Variants in GNG7 observed in about 807,000 individuals in gnomAD.
GNG7 encodes the protein guanine nucleotide-binding protein G(I)/G(S)/G(O) subunit gamma-7.
Under a neutral mutation model 4.0 loss-of-function variants are expected in GNG7, and 1 was observed. The observed-to-expected ratio is 0.25, with a 90% confidence interval of 0.09 to 1.18. GNG7 has a LOEUF of 1.18. Ranked by LOEUF, GNG7 falls within the 50% of genes most tolerant of loss-of-function variation. The probability of loss-of-function intolerance (pLI) is 0.50; values close to 1 mark genes in which losing one functional copy is unlikely to be tolerated. For missense variants in GNG7, 86 were observed against 91.9 expected, an observed-to-expected ratio of 0.94 and a Z score of 0.26; for synonymous variants, 34 against 36.9, an observed-to-expected ratio of 0.92 and a Z score of 0.29.
intron 2 of GNG7, chr19:2,642,860 T>C (rs1157267735): frequency 2.2e-6 from 1 of 455,840 alleles, no homozygotes; most frequent in South Asian, 1.6e-5. Flanking sequence ...CGGGAATGCA[T>C]AGTCTGAGCC....
At chr19:2,558,802 A>G (rs1297517245) in intron 2 of GNG7, among the ~76,000 whole-genome samples, 1 of 85,148 alleles carries the variant, frequency 1.2e-5, no homozygotes, top group Non-Finnish European at 2.6e-5. Flanking sequence ...CTTTTTATTT[A>G]TTTATTATTT....
intron 1 of GNG7, among the ~76,000 whole-genome samples, chr19:2,685,825 G>A (rs1308523720): frequency 1.3e-5 from 2 of 152,122 alleles, no homozygotes; most frequent in Non-Finnish European, 2.9e-5. Context: ...TGAACACCCA[G>A]CGACACCCTG....
chr19:2,689,638 A>C (rs934166251), intron 1 of GNG7, among the ~76,000 whole-genome samples: 5 of 151,270 alleles, frequency 3.3e-5, no homozygotes, highest in South Asian at 4.2e-4. Context: ...AAAAAAAAAA[A>C]AAAAAAAAAA....
chr19:2,555,793 C>T lies in GNG7; in HGVS notation c.-77-605G>A, dbSNP rs552742113. On this transcript the variant is annotated intron_variant, in intron 2 of 4. Transcript: ENST00000382159. Reference sequence around the variant, plus strand: ...GGTGATTGGTCTCCGGGGGTCGGGGCGGTTGGGGCCTTTGGAGCTGCGGTT... The same window carrying T: ...GGTGATTGGTCTCCGGGGGTCGGGGTGGTTGGGGCCTTTGGAGCTGCGGTT... 8.5e-5 allele frequency among the ~76,000 whole-genome samples: 13 copies of T among 152,168 alleles called. No individual in the cohort carries two copies. In the East Asian group the frequency reaches 1.7e-3, roughly 20 times the overall value.
chr19:2,681,067 G>A (rs1034643864), intron 1 of GNG7, among the ~76,000 whole-genome samples: 2 of 152,112 alleles, frequency 1.3e-5, no homozygotes, highest in African/African-American at 2.4e-5. Flanking sequence ...AAGTGAAACC[G>A]ACAGTTTTTG....
chr19:2,600,399 T>C (rs1287369779), intron 2 of GNG7, among the ~76,000 whole-genome samples: 6 of 151,840 alleles, frequency 4.0e-5, no homozygotes, highest in Non-Finnish European at 7.4e-5. Flanking sequence ...TCAAACGTCA[T>C]GCAACCTCTG....
rs111671081 is a variant in GNG7, at chr19:2,526,885, G to A, written c.-37-6160C>T. ...TTTTGAGAGGGAGTCTCGCTCTGTC[G>A]CCCAGGCTGGAGTGCAGTGGCACAA... On this transcript the variant is annotated intron_variant, in intron 3 of 4. Transcript: ENST00000382159. 8.1e-3 allele frequency among the ~76,000 whole-genome samples: 1,032 copies of A among 128,198 alleles called. 8 individuals carry two copies. Among genetic ancestry groups the A allele is most frequent in the Non-Finnish European group, 0.013 (753 of 57,608 alleles). The allele number at this position is 128,198 out of a possible 152,430, so 84.1% of individuals were successfully genotyped here. A position where few individuals can be genotyped will look rare whatever the true frequency, so the allele number is the denominator to read the frequency against.
intron 4 of GNG7, among the ~76,000 whole-genome samples, chr19:2,516,658 A>G (rs894160518): frequency 6.6e-6 from 1 of 152,222 alleles, no homozygotes; most frequent in African/African-American, 2.4e-5. Flanking sequence ...CAAGGAAGGA[A>G]GGTCCTGATA....
chr19:2,518,888 C>T (rs948203914), intron 4 of GNG7, among the ~76,000 whole-genome samples: 19 of 152,122 alleles, frequency 1.2e-4, no homozygotes, highest in African/African-American at 3.1e-4. Flanking sequence ...CTCTGCCTCT[C>T]GGGTTCAAGC....
intron 1 of GNG7, among the ~76,000 whole-genome samples, chr19:2,664,815 T>A (rs984062024): frequency 1.3e-5 from 2 of 152,112 alleles, no homozygotes; most frequent in African/African-American, 2.4e-5. Context: ...GGTGCAGCTG[T>A]CCCGGACACT....
intron 3 of GNG7, among the ~76,000 whole-genome samples, chr19:2,542,104 GTTCT>G (rs1298610910): frequency 9.7e-6 from 1 of 103,624 alleles, no homozygotes; most frequent in Admixed American, 1.0e-4. Flanking sequence ...AGCGCTGTGT[GTTCT>G]TTTTTTTTTT....
intron 1 of GNG7, among the ~76,000 whole-genome samples, chr19:2,648,877 T>G (rs934822917): frequency 3.8e-4 from 57 of 151,902 alleles, no homozygotes; most frequent in African/African-American, 1.1e-3. Context: ...CATGTGTTTT[T>G]TTTTTTGTTT....
chr19:2,650,472 CA>C (rs1000203481), intron 1 of GNG7, among the ~76,000 whole-genome samples: 12 of 152,098 alleles, frequency 7.9e-5, no homozygotes, highest in Non-Finnish European at 1.6e-4. Context: ...TTACAGGCAA[CA>C]ATGATTCCCA....
intron 1 of GNG7, among the ~76,000 whole-genome samples, chr19:2,655,411 T>TA (rs1293782858): frequency 1.3e-5 from 2 of 151,936 alleles, no homozygotes; most frequent in Non-Finnish European, 2.9e-5. Context: ...AGATAAAAGA[T>TA]AAAAAACATT....
Position 2,514,988 on chromosome 19 carries a change from G to A in GNG7, c.*34C>T, listed in dbSNP as rs1477744352. ...AGAGACAGAGAGAGAGAGAGAGAAAGAGAGAGAGAGAGAGAGAACATATGA... is the reference window on the plus strand; with the variant it reads ...AGAGACAGAGAGAGAGAGAGAGAAAAAGAGAGAGAGAGAGAGAACATATGA... On this transcript the variant is annotated 3_prime_UTR_variant, in exon 5 of 5. Transcript: ENST00000382159. The A allele has an allele frequency of 1.1e-5, 8 of 705,144 alleles. No individual in the cohort carries two copies. The highest frequency in any genetic ancestry group is 3.5e-5 in the Admixed American group (1 of 28,202). 43.7% of individuals were successfully genotyped at this position (705,144 alleles called of 1,614,324 possible). A position where few individuals can be genotyped will look rare whatever the true frequency, so the allele number is the denominator to read the frequency against.
At chr19:2,659,375 T>G (rs1983084384) in intron 1 of GNG7, among the ~76,000 whole-genome samples, 2 of 150,272 alleles carry the variant, frequency 1.3e-5, no homozygotes, top group African/African-American at 4.9e-5. Context: ...GGTCAGGAGT[T>G]TGACAGGAGT....
intron 3 of GNG7, among the ~76,000 whole-genome samples, chr19:2,530,256 T>C (rs1255609705): frequency 6.9e-6 from 1 of 144,264 alleles, no homozygotes; most frequent in East Asian, 2.1e-4. Flanking sequence ...CTGCTAAAAA[T>C]ACAAAAATTA....
Position 2,653,044 on chromosome 19 carries a change from T to C in GNG7, c.-134-6764A>G, listed in dbSNP as rs1287408091. Among the ~76,000 whole-genome samples, 4 of 149,804 alleles carry C rather than the reference T, an allele frequency of 2.7e-5. No homozygotes were observed. The highest frequency in any genetic ancestry group is 5.9e-5 in the Non-Finnish European group (4 of 67,298). On this transcript the variant is annotated intron_variant, in intron 1 of 4. Coordinates refer to ENST00000382159, the MANE Select transcript of GNG7 (RefSeq NM_052847.3). The surrounding 1 kb of genome is among the most constrained non-coding windows in gnomAD (Gnocchi z 4.8). ...AGGCAGAGGCTGCAGTGAACCGAGATCACACCACTGCACTCCAGCCCGGGC... is the reference window on the plus strand; with the variant it reads ...AGGCAGAGGCTGCAGTGAACCGAGACCACACCACTGCACTCCAGCCCGGGC...
Position 2,513,074 on chromosome 19 carries a change from G to T in GNG7, c.*1948C>A. On this transcript the variant is annotated 3_prime_UTR_variant, in exon 5 of 5. Coordinates refer to ENST00000382159, the MANE Select transcript of GNG7 (RefSeq NM_052847.3). ...GCTGGGTGCCGGGGGTGGGGAGCCC[G>T]GCTGTGGCCTGTGGGAGCTGCCCGA... 1.0e-6 allele frequency: 1 copy of T among 985,556 alleles called. No individual in the cohort carries two copies. Among genetic ancestry groups the T allele is most frequent in the Non-Finnish European group, 1.2e-6 (1 of 830,038 alleles). 61.1% of individuals were successfully genotyped at this position (985,556 alleles called of 1,614,324 possible). A position where few individuals can be genotyped will look rare whatever the true frequency, so the allele number is the denominator to read the frequency against.
Sources: allele counts gnomAD v4.1 joint callset (sites outside exome capture counted in the v4.1 genomes callset), GRCh38; gene constraint gnomAD v4.1.1; non-coding constraint Gnocchi (gnomAD v3.1); transcripts MANE v1.5; gene names NCBI Gene and HGNC (gene_info 2026-07-23, HGNC 2026-07-21).